TRIM2: variants seen among roughly 807,000 people sequenced by gnomAD.
TRIM2 encodes the protein tripartite motif containing 2, also known as tripartite motif-containing protein 2.
A neutral mutation model predicts 75.2 loss-of-function variants in TRIM2; 20 were observed. The observed-to-expected ratio is 0.27, with a 90% confidence interval of 0.19 to 0.39. The LOEUF (loss-of-function observed/expected upper bound fraction) is 0.39, where lower values mean the gene tolerates loss of function less well. TRIM2 is among the 10% of genes least tolerant of loss of function. The pLI is 1.00. For missense variants in TRIM2, 660 were observed against 990.8 expected, an observed-to-expected ratio of 0.67 and a Z score of 4.48; for synonymous variants, 373 against 388.3, an observed-to-expected ratio of 0.96 and a Z score of 0.46.
Position 153,273,088 on chromosome 4 carries a change from C to T in TRIM2, c.215+2569C>T, listed in dbSNP as rs148705911. Among the ~76,000 whole-genome samples the T allele has an allele frequency of 3.1e-3, 463 of 151,474 alleles. 9 individuals are homozygous for T. The South Asian group carries it at 0.042, about 14-fold the overall frequency. ...TCTTGACCTCGTGATCTGCCCATGTCGGCCTCCCAAAGAGCAGGGATTACA... is the reference window on the plus strand; with the variant it reads ...TCTTGACCTCGTGATCTGCCCATGTTGGCCTCCCAAAGAGCAGGGATTACA... On this transcript the variant is annotated intron_variant, in intron 2 of 11. Coordinates refer to ENST00000338700, the MANE Select transcript of TRIM2 (RefSeq NM_015271.5).
At chr4:153,307,808 G>T in intron 6 of TRIM2, 1 of 726,580 alleles carries the variant, frequency 1.4e-6, no homozygotes. Context: ...TGTCTTGCTG[G>T]ATGTAATAGT....
At chr4:153,215,739 C>A (rs76320772) in intron 1 of TRIM2, among the ~76,000 whole-genome samples, 19,459 of 151,870 alleles carry the variant, frequency 0.13, 1,250 homozygotes, top group Admixed American at 0.16. Context: ...TGGAATATAG[C>A]CTTTTGGAAA....
chr4:153,232,864 T>C (rs1407102833), intron 1 of TRIM2, among the ~76,000 whole-genome samples: 2 of 152,158 alleles, frequency 1.3e-5, no homozygotes, highest in Non-Finnish European at 2.9e-5. Flanking sequence ...AGTGATAAGG[T>C]CAGCCACTCC....
intron 1 of TRIM2, among the ~76,000 whole-genome samples, chr4:153,180,224 A>G (rs915119566): frequency 3.9e-5 from 6 of 152,062 alleles, no homozygotes; most frequent in Admixed American, 1.3e-4. Context: ...TTTTGGGTAC[A>G]TTTTTCATTA....
At chr4:153,252,925 T>G (rs917150374) in intron 1 of TRIM2, among the ~76,000 whole-genome samples, 23 of 152,384 alleles carry the variant, frequency 1.5e-4, no homozygotes, top group African/African-American at 5.5e-4. Flanking sequence ...TTATGTCATT[T>G]GTTCATTCAT....
intron 1 of TRIM2, among the ~76,000 whole-genome samples, chr4:153,181,502 G>C (rs959882124): frequency 6.6e-5 from 10 of 152,216 alleles, no homozygotes; most frequent in Admixed American, 1.3e-4. Context: ...GGACAGGCCA[G>C]GGAGACACAC....
chr4:153,245,525 G>A (rs2149887802), intron 1 of TRIM2, among the ~76,000 whole-genome samples: 1 of 152,298 alleles, frequency 6.6e-6, no homozygotes, highest in Non-Finnish European at 1.5e-5. Flanking sequence ...GCTAATGATG[G>A]TTTTTATGTG....
chr4:153,153,378 G>T (rs1469252083), intron 1 of TRIM2: 1 of 151,626 alleles, frequency 6.6e-6, no homozygotes, highest in Non-Finnish European at 1.5e-5. Context: ...GCGCGCGTGC[G>T]GCGGGGCTGC....
intron 1 of TRIM2, among the ~76,000 whole-genome samples, chr4:153,161,774 A>T (rs1729763126): frequency 6.6e-6 from 1 of 152,376 alleles, no homozygotes; most frequent in Admixed American, 6.5e-5. Flanking sequence ...GTGGTCAATT[A>T]TGTCTAAGAC....
chr4:153,200,568 C>T (rs1734228834), upstream of TRIM2, among the ~76,000 whole-genome samples: 1 of 151,968 alleles, frequency 6.6e-6, no homozygotes, highest in Non-Finnish European at 1.5e-5. Context: ...GAATTGCTTG[C>T]TCATATGGTA....
intron 8 of TRIM2, among the ~76,000 whole-genome samples, chr4:153,317,268 G>A (rs981400584): frequency 2.0e-5 from 3 of 151,950 alleles, no homozygotes; most frequent in Non-Finnish European, 4.4e-5. Context: ...TCAACACATT[G>A]CCATCCCAGC....
chr4:153,278,111 T>A (rs1040207294), intron 3 of TRIM2, among the ~76,000 whole-genome samples: 4 of 152,140 alleles, frequency 2.6e-5, no homozygotes, highest in Non-Finnish European at 5.9e-5. Flanking sequence ...TTTTAGTTTT[T>A]GTTTTTGTTT....
intron 1 of TRIM2, among the ~76,000 whole-genome samples, chr4:153,260,717 C>CAT (rs1753291965): frequency 5.9e-5 from 6 of 101,652 alleles, no homozygotes; most frequent in African/African-American, 2.5e-4. Context: ...CACACACACA[C>CAT]ACACACACAT....
chr4:153,260,662 C>G (rs1408708636), intron 1 of TRIM2, among the ~76,000 whole-genome samples: 1 of 139,874 alleles, frequency 7.1e-6, no homozygotes, highest in Non-Finnish European at 1.5e-5. Context: ...GCCTTCCCCC[C>G]AAAACACACA....
chr4:153,162,158 C>A (rs1489511731), intron 1 of TRIM2, among the ~76,000 whole-genome samples: 2 of 152,230 alleles, frequency 1.3e-5, no homozygotes, highest in African/African-American at 4.8e-5. Flanking sequence ...AGTACATCTT[C>A]AAGAAATACT....
rs1385613387 is a variant in TRIM2 at position 153,315,849 on chromosome 4, C to A, written c.1632C>A (p.Gly544=). 1 of 1,614,110 alleles carries A rather than the reference C, an allele frequency of 6.2e-7. No homozygotes were observed. The highest frequency in any genetic ancestry group is 8.5e-7 in the Non-Finnish European group (1 of 1,180,022). ...TCTTACAGATATTTTCCAATGATGG[C>A]CAGTTCAAAAGTCGTTTTGGCATAC... The part of the protein sequence containing the change: ...NQCVQIFSND[G]QFKSRFGIRG... The change falls in exon 8 of 12, where the codon GGC becomes GGA. Residue 544 remains glycine, a synonymous_variant. Coordinates refer to ENST00000338700, the MANE Select transcript of TRIM2 (RefSeq NM_015271.5).
At chr4:153,181,882 G>A (rs1732101173) in intron 1 of TRIM2, among the ~76,000 whole-genome samples, 1 of 152,152 alleles carries the variant, frequency 6.6e-6, no homozygotes, top group South Asian at 2.1e-4. Flanking sequence ...CCTCACAGGA[G>A]TCAGAAGACA....
Position 153,248,660 on chromosome 4 carries a change from C to T in TRIM2, c.31-21675C>T, listed in dbSNP as rs1749961264. On this transcript the variant is annotated intron_variant, in intron 1 of 11. Transcript: ENST00000338700. The surrounding 1 kb of genome is among the most constrained non-coding windows in gnomAD (Gnocchi z 4.0). ...AGCAAATCCAGATATGTCTCCAGAG[C>T]CCGTGCCTTAATCGCAGATGCATTC... is the stretch of plus-strand genomic sequence containing the variant. 2.0e-5 allele frequency among the ~76,000 whole-genome samples: 3 copies of T among 152,220 alleles called. No homozygotes were observed. Among genetic ancestry groups the T allele is most frequent in the Non-Finnish European group, 4.4e-5 (3 of 68,034 alleles).
intron 1 of TRIM2, among the ~76,000 whole-genome samples, chr4:153,163,427 TC>T (rs1386853084): frequency 1.3e-5 from 2 of 150,760 alleles, no homozygotes; most frequent in Non-Finnish European, 3.0e-5. Flanking sequence ...CAAGCTATCT[TC>T]CTGCCTCAGC....
Sources: allele counts gnomAD v4.1 joint callset (sites outside exome capture counted in the v4.1 genomes callset), GRCh38; gene constraint gnomAD v4.1.1; non-coding constraint Gnocchi (gnomAD v3.1); transcripts MANE v1.5; gene names NCBI Gene and HGNC (gene_info 2026-07-23, HGNC 2026-07-21).